Variants in SLC5A10 observed in about 807,000 individuals in gnomAD.
SLC5A10 encodes the protein solute carrier family 5 member 10, also known as sodium/mannose cotransporter SLC5A10.
Under a neutral mutation model 68.9 loss-of-function variants are expected in SLC5A10, and 55 were observed. The ratio of observed to expected loss-of-function variants is 0.80; its 90% CI spans 0.64 to 1.00. The LOEUF (loss-of-function observed/expected upper bound fraction) is 1.00, where lower values mean the gene tolerates loss of function less well. Ranked by LOEUF, SLC5A10 falls within the 50% of genes least tolerant of loss-of-function variation. SLC5A10 has a pLI of 0.00. For synonymous variants in SLC5A10, 344 were observed against 344.8 expected (o/e 1.00, Z 0.02); for missense variants, 732 against 819.3 (o/e 0.89, Z 1.30).
At chr17:18,970,585 A>G (rs1567784318) in intron 7 of SLC5A10, 1 of 198,336 alleles carries the variant, frequency 5.0e-6, no homozygotes, top group East Asian at 1.2e-4. Flanking sequence ...CTAAAATCAC[A>G]CCCTTCAGGT....
rs773823685 is a variant in SLC5A10, at chr17:19,020,144, A to C, written c.1627-11A>C. 11 of 1,517,042 alleles carry C rather than the reference A, an allele frequency of 7.3e-6. No individual in the cohort carries two copies. The highest frequency in any genetic ancestry group is 1.8e-4 in the Middle Eastern group (1 of 5,610). The allele number at this position is 1,517,042 out of a possible 1,614,324, so 94.0% of individuals were successfully genotyped here. A position where few individuals can be genotyped will look rare whatever the true frequency, so the allele number is the denominator to read the frequency against. Reference sequence around the variant, plus strand: ...CCCACCCCCAACCCTATCCTCACTCATTTCTTACAGATTGAGAACCTTACC... The same window carrying C: ...CCCACCCCCAACCCTATCCTCACTCCTTTCTTACAGATTGAGAACCTTACC... On this transcript the variant is annotated splice_polypyrimidine_tract_variant and intron_variant, in intron 13 of 14. Coordinates refer to ENST00000395645, the MANE Select transcript of SLC5A10 (RefSeq NM_001042450.4).
chr17:18,958,362 A>G (rs2042543645), intron 1 of SLC5A10, among the ~76,000 whole-genome samples: 1 of 152,170 alleles, frequency 6.6e-6, no homozygotes, highest in Admixed American at 6.5e-5. Flanking sequence ...ACCCAATAGA[A>G]CTTCATTCCT....
At position 18,971,630 on chromosome 17, in the gene SLC5A10, G is replaced by A; in HGVS notation, c.846+412G>A. On this transcript the variant is annotated intron_variant, in intron 8 of 14. Transcript: ENST00000395645. The surrounding 1 kb of genome is among the most constrained non-coding windows in gnomAD (Gnocchi z 5.5). ...GTGGGGGCCAGCCATGGCTGGGCCA[G>A]CGTTTCTGGTAGAGCTCTGGACGCT... 1 of 1,613,510 alleles carries A rather than the reference G, an allele frequency of 6.2e-7. No individual in the cohort carries two copies. The highest frequency in any genetic ancestry group is 8.5e-7 in the Non-Finnish European group (1 of 1,180,004).
intron 5 of SLC5A10, among the ~76,000 whole-genome samples, chr17:18,966,206 G>C (rs939575962): frequency 1.3e-5 from 2 of 152,104 alleles, no homozygotes; most frequent in Non-Finnish European, 2.9e-5. Flanking sequence ...GTGAATGTGG[G>C]GCCACATCAC....
intron 1 of SLC5A10, among the ~76,000 whole-genome samples, chr17:18,955,922 C>T (rs1356162414): frequency 2.0e-5 from 3 of 152,182 alleles, no homozygotes; most frequent in Middle Eastern, 3.4e-3. Context: ...AGGCCGGGCG[C>T]GGTGGCTCAT....
intron 13 of SLC5A10, 57 bp from the exon 14 acceptor site, chr17:19,020,098 G>C: frequency 6.8e-7 from 1 of 1,471,570 alleles, no homozygotes; most frequent in East Asian, 2.4e-5. Context: ...TCCTGTCTGG[G>C]TCACCCCCAC....
At chr17:18,981,362 G>A (rs943605881) in intron 9 of SLC5A10, among the ~76,000 whole-genome samples, 1 of 152,128 alleles carries the variant, frequency 6.6e-6, no homozygotes, top group African/African-American at 2.4e-5. Context: ...AGCAGGGGCG[G>A]GCTCCTGGTA....
chr17:18,961,617 G>C (rs948411483), intron 5 of SLC5A10, among the ~76,000 whole-genome samples: 3 of 152,240 alleles, frequency 2.0e-5, no homozygotes, highest in African/African-American at 7.2e-5. Context: ...GGAAAGCCCA[G>C]AAGAGGCGTC....
intron 9 of SLC5A10, among the ~76,000 whole-genome samples, chr17:18,989,377 G>A (rs2043352453): frequency 6.6e-6 from 1 of 152,232 alleles, no homozygotes; most frequent in African/African-American, 2.4e-5. Flanking sequence ...CTGGGGATGT[G>A]TCTGCACGCC....
chr17:19,007,369 T>C (rs2043915632), intron 9 of SLC5A10, among the ~76,000 whole-genome samples: 1 of 152,162 alleles, frequency 6.6e-6, no homozygotes, highest in African/African-American at 2.4e-5. Context: ...CTAAATGGAT[T>C]GTCTATTTTT....
At chr17:18,992,052 G>T (rs1243732255) in intron 9 of SLC5A10, among the ~76,000 whole-genome samples, 1 of 152,146 alleles carries the variant, frequency 6.6e-6, no homozygotes, top group African/African-American at 2.4e-5. Flanking sequence ...GCGAGCCTGC[G>T]CCTGCCCCAG....
rs764747837 is a variant in SLC5A10, at chr17:19,019,850, C to T, written c.1548C>T (p.Phe516=). 29 of 1,613,554 alleles carry T rather than the reference C, an allele frequency of 1.8e-5. No homozygotes were observed. The highest frequency in any genetic ancestry group is 1.8e-4 in the South Asian group (16 of 91,028). ...TGGGGAGCATCCACTACCTGCACTT[C>T]GCTGTCGCCCTCTTTGCACTCAGTG... is the stretch of plus-strand genomic sequence containing the variant. ...AVLGSIHYLH[F]AVALFALSGA... is the part of the protein sequence containing the mutation. The change falls in exon 13 of 15, where the codon TTC becomes TTT. Residue 516 remains phenylalanine, a synonymous_variant. Transcript: ENST00000395645.
At chr17:18,978,243 A>C (rs1201791984) in intron 9 of SLC5A10, 1 of 1,595,278 alleles carries the variant, frequency 6.3e-7, no homozygotes, top group Non-Finnish European at 8.5e-7. Flanking sequence ...GGGGGAGGGC[A>C]AGGCTCTGGA....
chr17:19,011,131 C>T (rs1014113963), intron 9 of SLC5A10, among the ~76,000 whole-genome samples: 9 of 152,230 alleles, frequency 5.9e-5, no homozygotes, highest in African/African-American at 1.7e-4. Context: ...GGGGAGCCTC[C>T]GTCCTGGTGG....
chr17:19,019,277 G>A (rs2044206554), intron 11 of SLC5A10, 146 bp from the exon 12 acceptor site: 7 of 969,936 alleles, frequency 7.2e-6, no homozygotes, highest in Non-Finnish European at 1.0e-5. Flanking sequence ...CCAGGTCACT[G>A]GTGGTGTGGA....
At chr17:18,967,871 C>A (rs2151998434) in intron 5 of SLC5A10, among the ~76,000 whole-genome samples, 1 of 151,384 alleles carries the variant, frequency 6.6e-6, no homozygotes, top group Middle Eastern at 3.4e-3. Context: ...GCAGATCCCG[C>A]CCCCACCCCC....
Position 18,969,073 on chromosome 17 carries a change from CTGTT to C in SLC5A10, c.479_482del (p.Phe160CysfsTer32), listed in dbSNP as rs1781775923. 5 of 1,614,040 alleles carry C rather than the reference CTGTT, an allele frequency of 3.1e-6. No individual in the cohort carries two copies. Among genetic ancestry groups the C allele is most frequent in the Non-Finnish European group, 3.4e-6 (4 of 1,179,964 alleles). ...GCAGCTGGACCTGTACGCGGGGGCT[CTGTT>C]TGTGCACATCTGCCTGGGCTGGAAC... On this transcript the variant is annotated frameshift_variant, in exon 6 of 15. Transcript: ENST00000395645. LOFTEE classifies it high-confidence loss of function.
intron 9 of SLC5A10, among the ~76,000 whole-genome samples, chr17:19,009,680 G>T (rs1454854769): frequency 6.6e-6 from 1 of 152,068 alleles, no homozygotes; most frequent in Non-Finnish European, 1.5e-5. Flanking sequence ...TCCTTGGGAG[G>T]GAATCATTCA....
intron 10 of SLC5A10, among the ~76,000 whole-genome samples, chr17:19,014,011 A>G (rs2472707): frequency 0.83 from 126,661 of 152,158 alleles, 53,726 homozygotes; most frequent in Middle Eastern, 0.9. Flanking sequence ...CTCCATCCCA[A>G]CCAGCTTCTG....
Sources: allele counts gnomAD v4.1 joint callset (sites outside exome capture counted in the v4.1 genomes callset), GRCh38; gene constraint gnomAD v4.1.1; non-coding constraint Gnocchi (gnomAD v3.1); transcripts MANE v1.5; gene names NCBI Gene and HGNC (gene_info 2026-07-23, HGNC 2026-07-21).